The following MTUS2 variants were observed in gnomAD, a reference collection of about 807,000 sequenced individuals.
The protein encoded by MTUS2 is microtubule associated scaffold protein 2.
In MTUS2, 40 loss-of-function variants were observed where a neutral mutation model predicts 114.1. That is an observed-to-expected ratio of 0.35 (90% CI 0.27 to 0.46). The LOEUF is 0.46. Ranked by LOEUF, MTUS2 falls within the 20% of genes least tolerant of loss-of-function variation. The probability of loss-of-function intolerance (pLI) is 1.00; values close to 1 mark genes in which losing one functional copy is unlikely to be tolerated. For missense variants in MTUS2, 1,679 were observed against 1,705.4 expected (o/e 0.98, Z 0.27); for synonymous variants, 688 against 672.0 (o/e 1.02, Z -0.37).
At chr13:28,887,391 T>G (rs1478149232) in intron 2 of MTUS2, among the ~76,000 whole-genome samples, 1 of 152,158 alleles carries the variant, frequency 6.6e-6, no homozygotes, top group African/African-American at 2.4e-5. Flanking sequence ...GCCCCATCAT[T>G]GACTCAGGAG....
chr13:28,861,906 T>A (rs953292987), intron 2 of MTUS2, among the ~76,000 whole-genome samples: 1 of 152,100 alleles, frequency 6.6e-6, no homozygotes, highest in Non-Finnish European at 1.5e-5. Flanking sequence ...GGAACCCCCA[T>A]ACGCTCCTTC....
At chr13:28,987,170 G>A (rs1884624640) in intron 2 of MTUS2, among the ~76,000 whole-genome samples, 1 of 152,176 alleles carries the variant, frequency 6.6e-6, no homozygotes, top group Admixed American at 6.5e-5. Context: ...ACTGGATCTG[G>A]ACTTGTCAGC....
chr13:29,258,321 C>T (rs926554295), intron 5 of MTUS2, among the ~76,000 whole-genome samples: 5 of 152,272 alleles, frequency 3.3e-5, no homozygotes, highest in African/African-American at 4.8e-5. Flanking sequence ...TTCAAGCCAG[C>T]GACAGTGTGT....
At chr13:29,270,286 TGAAA>T (rs939722927) in intron 5 of MTUS2, among the ~76,000 whole-genome samples, 23 of 152,138 alleles carry the variant, frequency 1.5e-4, no homozygotes, top group African/African-American at 5.3e-4. Context: ...AACCATGTGT[TGAAA>T]GATTCATGGT....
intron 4 of MTUS2, among the ~76,000 whole-genome samples, chr13:29,080,317 T>G (rs151092309): frequency 6.6e-6 from 1 of 152,208 alleles, no homozygotes; most frequent in African/African-American, 2.4e-5. Flanking sequence ...AACCCCAAAC[T>G]ACTCTACTTT....
chr13:29,373,852 G>T (rs922736072), intron 8 of MTUS2, among the ~76,000 whole-genome samples: 9 of 152,198 alleles, frequency 5.9e-5, no homozygotes, highest in African/African-American at 1.9e-4. Flanking sequence ...AAAGAATCAG[G>T]AAATCCTCAG....
At chr13:29,218,471 A>T (rs1251654889) in intron 5 of MTUS2, among the ~76,000 whole-genome samples, 1 of 152,194 alleles carries the variant, frequency 6.6e-6, no homozygotes, top group Non-Finnish European at 1.5e-5. Flanking sequence ...AATGTTCTTA[A>T]TGGTTTCTAG....
At chr13:29,134,070 C>A (rs1443188132) in intron 5 of MTUS2, among the ~76,000 whole-genome samples, 1 of 152,242 alleles carries the variant, frequency 6.6e-6, no homozygotes, top group African/African-American at 2.4e-5. Flanking sequence ...TTCCCTAAGT[C>A]TTGTTATGTT....
At chr13:28,907,728 T>A (rs1880130639) in intron 2 of MTUS2, among the ~76,000 whole-genome samples, 1 of 151,552 alleles carries the variant, frequency 6.6e-6, no homozygotes, top group African/African-American at 2.4e-5. Context: ...ATGCACCCAA[T>A]ACAGGAGCAC....
chr13:28,934,144 A>G (rs1393204398), intron 2 of MTUS2, among the ~76,000 whole-genome samples: 2 of 152,234 alleles, frequency 1.3e-5, no homozygotes, highest in Admixed American at 1.3e-4. Context: ...AATAAAGTAA[A>G]TCTATTGTAC....
At position 28,858,519 on chromosome 13, in the gene MTUS2, A is replaced by G. The variant is rs372260852; in HGVS notation, c.-243+18669A>G. ...AGGCAGAACATTGTTGTCATTATCT[A>G]TGGCAACATCAAATGTGTTTTGAAG... On this transcript the variant is annotated intron_variant, in intron 2 of 15. Transcript: ENST00000612955. 3.1e-3 allele frequency among the ~76,000 whole-genome samples: 466 copies of G among 152,304 alleles called. 5 individuals carry two copies. The Middle Eastern group carries it at 0.041, about 13-fold the overall frequency.
chr13:29,425,151 C>T (rs1284053914), intron 8 of MTUS2, among the ~76,000 whole-genome samples: 3 of 152,192 alleles, frequency 2.0e-5, no homozygotes, highest in African/African-American at 4.8e-5. Flanking sequence ...CAGTGGCTCA[C>T]ACCTGTAATC....
intron 15 of MTUS2, among the ~76,000 whole-genome samples, chr13:29,502,352 C>T (rs139816782): frequency 6.6e-6 from 1 of 152,366 alleles, no homozygotes; most frequent in East Asian, 1.9e-4. Context: ...CACCCACCAG[C>T]CTTTATCGGC....
chr13:29,153,805 A>G (rs988063423), intron 5 of MTUS2, among the ~76,000 whole-genome samples: 1 of 152,174 alleles, frequency 6.6e-6, no homozygotes, highest in Non-Finnish European at 1.5e-5. Context: ...GTTTCACTTA[A>G]GCTGAAAAAG....
intron 5 of MTUS2, among the ~76,000 whole-genome samples, chr13:29,222,188 G>A (rs1035216395): frequency 5.3e-5 from 8 of 152,178 alleles, no homozygotes; most frequent in South Asian, 2.1e-4. Context: ...GCACATGTCC[G>A]TGGTTAACTG....
chr13:29,092,564 C>T (rs575143810), intron 4 of MTUS2, among the ~76,000 whole-genome samples: 5 of 152,260 alleles, frequency 3.3e-5, no homozygotes, highest in South Asian at 2.1e-4. Flanking sequence ...ACAAGAACTT[C>T]GGAACCTCTG....
chr13:29,451,587 A>ATT (rs551756160), intron 9 of MTUS2, among the ~76,000 whole-genome samples: 8,175 of 145,000 alleles, frequency 0.056, 346 homozygotes, highest in African/African-American at 0.12. Context: ...GTACTGTCCA[A>ATT]TTTTTTTTTT....
chr13:29,466,507 T>A lies in MTUS2; in HGVS notation c.3185-13643T>A, dbSNP rs559414453. On this transcript the variant is annotated intron_variant, in intron 9 of 15. Coordinates refer to ENST00000612955, the MANE Select transcript of MTUS2 (RefSeq NM_001033602.4). ...AAAATCATGCCTTTCCTGTTTAAAG[T>A]TAGGTTCTGTAGATTTAAAACATAA... 8.5e-4 allele frequency among the ~76,000 whole-genome samples: 130 copies of A among 152,300 alleles called. 6 individuals carry two copies. The South Asian group carries it at 0.024, about 29-fold the overall frequency.
At chr13:29,128,563 T>A (rs186613675) in intron 5 of MTUS2, among the ~76,000 whole-genome samples, 154 of 152,260 alleles carry the variant, frequency 1.0e-3, no homozygotes, top group South Asian at 1.9e-3. Flanking sequence ...TACACCTCAA[T>A]GAAAAGGGAA....
Sources: gnomAD v4.1 joint callset for allele counts (sites outside exome capture counted in the v4.1 genomes callset) on GRCh38, gnomAD v4.1.1 for gene constraint, MANE v1.5 for transcripts, NCBI Gene and HGNC (gene_info 2026-07-23, HGNC 2026-07-21) for gene names.